USP32: variants seen among roughly 807,000 people sequenced by gnomAD.
The protein encoded by USP32 is ubiquitin specific peptidase 32, also known as ubiquitin carboxyl-terminal hydrolase 32.
A neutral mutation model predicts 204.8 loss-of-function variants in USP32; 59 were observed. That is an observed-to-expected ratio of 0.29 (90% CI 0.23 to 0.36). The LOEUF is 0.36. USP32 is among the 10% of genes least tolerant of loss of function. The pLI, the probability that USP32 is intolerant of heterozygous loss-of-function variation, is 1.00. For missense variants in USP32, 1,160 were observed against 1,946.4 expected (o/e 0.60, Z 7.60); for synonymous variants, 517 against 678.4 (o/e 0.76, Z 3.70).
At chr17:60,257,841 C>T (rs1159740303) in intron 9 of USP32, among the ~76,000 whole-genome samples, 1 of 151,716 alleles carries the variant, frequency 6.6e-6, no homozygotes, top group Non-Finnish European at 1.5e-5. Flanking sequence ...TCAAGGAGTT[C>T]TGCTGGTTAT....
At chr17:60,358,730 T>A (rs1350121609) in intron 1 of USP32, among the ~76,000 whole-genome samples, 1 of 152,140 alleles carries the variant, frequency 6.6e-6, no homozygotes, top group Non-Finnish European at 1.5e-5. Flanking sequence ...TTATCATAGA[T>A]CTAATTTTGA....
At chr17:60,380,156 ACTTCAT>A (rs1246112284) in intron 1 of USP32, among the ~76,000 whole-genome samples, 1 of 152,242 alleles carries the variant, frequency 6.6e-6, no homozygotes, top group African/African-American at 2.4e-5. Context: ...TCATAATCTA[ACTTCAT>A]CTTGCCTTTC....
intron 11 of USP32, among the ~76,000 whole-genome samples, chr17:60,246,705 GT>G (rs2086036806): frequency 6.6e-6 from 1 of 152,056 alleles, no homozygotes; most frequent in Non-Finnish European, 1.5e-5. Context: ...ATCAGAATCA[GT>G]TATTCTTTGT....
At chr17:60,259,657 C>G (rs2086404589) in intron 9 of USP32, among the ~76,000 whole-genome samples, 1 of 152,180 alleles carries the variant, frequency 6.6e-6, no homozygotes, top group Admixed American at 6.6e-5. Flanking sequence ...CAATGAGCCT[C>G]CCATATTTGT....
At position 60,217,793 on chromosome 17, in the gene USP32, G is replaced by T. The variant is rs574272728; in HGVS notation, c.1867+1877C>A. ...TGCTCTGTTACCCAGGCTGGAGTAT[G>T]GTGGCACAATCATAGCTCACCACAA... On this transcript the variant is annotated intron_variant, in intron 16 of 33. Transcript: ENST00000300896. Among the ~76,000 whole-genome samples the T allele has an allele frequency of 1.3e-3, 201 of 151,910 alleles. 1 individual carries two copies. Among genetic ancestry groups the T allele is most frequent in the African/African-American group, 4.5e-3 (188 of 41,424 alleles).
At chr17:60,207,902 G>A in intron 24 of USP32, 157 bp downstream of exon 24, 2 of 1,304,498 alleles carry the variant, frequency 1.5e-6, no homozygotes, top group Non-Finnish European at 1.0e-6. Context: ...TAAGTTTCTG[G>A]GTTGGAAAAC....
chr17:60,391,284 T>C (rs1436108038), intron 1 of USP32, among the ~76,000 whole-genome samples: 1 of 152,096 alleles, frequency 6.6e-6, no homozygotes, highest in African/African-American at 2.4e-5. Flanking sequence ...CAAACACAAC[T>C]TCATTTCAGA....
intron 9 of USP32, among the ~76,000 whole-genome samples, chr17:60,257,302 T>C (rs572909566): frequency 1.3e-5 from 2 of 152,270 alleles, no homozygotes; most frequent in East Asian, 1.9e-4. Context: ...TGCACAGTTA[T>C]TTCTTCATGT....
chr17:60,210,211 TTAAA>T (rs1386799280), intron 21 of USP32, among the ~76,000 whole-genome samples: 1 of 152,102 alleles, frequency 6.6e-6, no homozygotes, highest in Non-Finnish European at 1.5e-5. Context: ...TGCTTTGTAT[TTAAA>T]TAAAAATAAT....
At chr17:60,337,517 TATATACAATATGCACAGC>T (rs1286383595) in intron 2 of USP32, among the ~76,000 whole-genome samples, 1 of 152,182 alleles carries the variant, frequency 6.6e-6, no homozygotes, top group Non-Finnish European at 1.5e-5. Context: ...ATTCGCTAAG[TATATACAATATGCACAGC>T]ACTCTGGGGC....
At chr17:60,308,567 A>C (rs1250386007) in intron 2 of USP32, among the ~76,000 whole-genome samples, 1 of 152,200 alleles carries the variant, frequency 6.6e-6, no homozygotes, top group African/African-American at 2.4e-5. Context: ...CACAAAGAAA[A>C]TACAATGGGG....
intron 2 of USP32, among the ~76,000 whole-genome samples, chr17:60,314,968 C>T (rs559039560): frequency 1.2e-4 from 18 of 152,186 alleles, no homozygotes; most frequent in African/African-American, 4.1e-4. Context: ...GATTATATAT[C>T]CAACAACAAA....
At chr17:60,246,005 T>C (rs1457690454) in intron 11 of USP32, among the ~76,000 whole-genome samples, 2 of 152,072 alleles carry the variant, frequency 1.3e-5, no homozygotes, top group African/African-American at 4.8e-5. Context: ...TCACCTCAAA[T>C]ATTTATCATT....
intron 1 of USP32, among the ~76,000 whole-genome samples, chr17:60,349,596 A>AATATATATATAT (rs1187939098): frequency 1.5e-5 from 1 of 65,180 alleles, no homozygotes; most frequent in Non-Finnish European, 2.5e-5. Flanking sequence ...AAAAAAAAAA[A>AATATATATATAT]ATATATATAT....
At chr17:60,368,896 A>G (rs2089373940) in intron 1 of USP32, among the ~76,000 whole-genome samples, 1 of 152,120 alleles carries the variant, frequency 6.6e-6, no homozygotes, top group South Asian at 2.1e-4. Context: ...AGAAAATGAA[A>G]AAGTTTCTGA....
At chr17:60,213,485 T>C in intron 18 of USP32, 96 bp downstream of exon 18, 1 of 579,220 alleles carries the variant, frequency 1.7e-6, no homozygotes, top group Non-Finnish European at 3.0e-6. Flanking sequence ...AATCAAATAA[T>C]AGTTGTTTTG....
chr17:60,180,317 G>A (rs948618454), intron 33 of USP32, among the ~76,000 whole-genome samples: 1 of 152,224 alleles, frequency 6.6e-6, no homozygotes, highest in African/African-American at 2.4e-5. Flanking sequence ...TTACAGGCAT[G>A]AGCCACTGCA....
intron 1 of USP32, among the ~76,000 whole-genome samples, chr17:60,372,024 A>G (rs751515709): frequency 3.3e-5 from 5 of 152,222 alleles, no homozygotes; most frequent in Non-Finnish European, 5.9e-5. Context: ...AAATTACCAT[A>G]TAACTATTGC....
chr17:60,196,965 G>A (rs1290699567), intron 27 of USP32, among the ~76,000 whole-genome samples: 1 of 151,760 alleles, frequency 6.6e-6, no homozygotes, highest in Non-Finnish European at 1.5e-5. Context: ...TGGATTACTT[G>A]AGGCCAGGAG....
Sources: gnomAD v4.1 joint callset for allele counts (sites outside exome capture counted in the v4.1 genomes callset) on GRCh38, gnomAD v4.1.1 for gene constraint, MANE v1.5 for transcripts, NCBI Gene and HGNC (gene_info 2026-07-23, HGNC 2026-07-21) for gene names.